The following CD99 variants were observed in gnomAD, a reference collection of about 807,000 sequenced individuals.
CD99 encodes the protein CD99 antigen.
A neutral mutation model predicts 28.4 loss-of-function variants in CD99; 19 were observed. The ratio of observed to expected loss-of-function variants is 0.67; its 90% CI spans 0.47 to 0.98. CD99 has a LOEUF of 0.98. CD99 is among the 50% of genes least tolerant of loss of function. The pLI, the probability that CD99 is intolerant of heterozygous loss-of-function variation, is 0.00. For missense variants in CD99, 283 were observed against 248.8 expected (o/e 1.14, Z -0.92); for synonymous variants, 103 against 92.1 (o/e 1.12, Z -0.67).
chrX:2,701,105 C>A (rs1233911489), intron 1 of CD99, among the ~76,000 whole-genome samples: 1 of 151,658 alleles, frequency 6.6e-6, no homozygotes, highest in Non-Finnish European at 1.5e-5. Flanking sequence ...CCATCCATCC[C>A]CTTACTGCCC....
At position 2,709,642 on chromosome X, in the gene CD99, C is replaced by T. The variant is rs188638896; in HGVS notation, c.68-4780C>T. On this transcript the variant is annotated intron_variant, in intron 1 of 9. Transcript: ENST00000381192. ...CAGAAACCACATGAATGCATGAGCACGCGTATATGAAATACACATGTACAC... is the reference window on the plus strand; with the variant it reads ...CAGAAACCACATGAATGCATGAGCATGCGTATATGAAATACACATGTACAC... Among the ~76,000 whole-genome samples, 1,167 of 152,146 alleles carry T rather than the reference C, an allele frequency of 7.7e-3. 8 individuals are homozygous for T. Among genetic ancestry groups the T allele is most frequent in the African/African-American group, 0.027 (1,111 of 41,520 alleles).
At chrX:2,729,396 C>A (rs311084) in intron 8 of CD99, among the ~76,000 whole-genome samples, 88,909 of 151,898 alleles carry the variant, frequency 0.59, 26,586 homozygotes, top group Non-Finnish European at 0.64. Context: ...AAAGAGGATT[C>A]ATTGATTCAC....
chrX:2,706,375 C>CA (rs1181142929), intron 1 of CD99, among the ~76,000 whole-genome samples: 2 of 150,606 alleles, frequency 1.3e-5, no homozygotes, highest in East Asian at 3.9e-4. Flanking sequence ...AAGGAAAAAA[C>CA]AAAAAACAAA....
chrX:2,732,091 A>G lies in CD99; in HGVS notation c.475+5718A>G, dbSNP rs182032336. ...TGGCAAAAACCACAATTACTTTTGC[A>G]CCAGCCTCCGTTCCTCCCTTCCTAC... On this transcript the variant is annotated intron_variant, in intron 8 of 9. Coordinates refer to ENST00000381192, the MANE Select transcript of CD99 (RefSeq NM_002414.5). Among the ~76,000 whole-genome samples, 328 of 152,080 alleles carry G rather than the reference A, an allele frequency of 2.2e-3. 1 individual carries two copies. The highest frequency in any genetic ancestry group is 6.2e-3 in the African/African-American group (259 of 41,510).
intron 8 of CD99, among the ~76,000 whole-genome samples, chrX:2,728,902 T>C (rs1603290512): frequency 8.4e-6 from 1 of 119,754 alleles, no homozygotes; most frequent in Non-Finnish European, 1.6e-5. Flanking sequence ...AGTGGTGCAA[T>C]CTTGGCTCAC....
chrX:2,714,402 ACT>A lies in CD99; in HGVS notation c.68-17_68-16del. 1.3e-6 allele frequency: 2 copies of A among 1,547,616 alleles called. No individual in the cohort carries two copies. Among genetic ancestry groups the A allele is most frequent in the Non-Finnish European group, 1.8e-6 (2 of 1,128,712 alleles). On this transcript the variant is annotated intron_variant, in intron 1 of 9. Transcript: ENST00000381192. Reference sequence around the variant, plus strand: ...TTTTATTTTTCTTGTTTCTAAGTTGACTCTTTTTTTCTCTCTTAGATGGTGGT... The same window carrying A: ...TTTTATTTTTCTTGTTTCTAAGTTGACTTTTTTTCTCTCTTAGATGGTGGT...
At chrX:2,739,306 T>C (rs1322286211) in intron 9 of CD99, among the ~76,000 whole-genome samples, 1 of 151,926 alleles carries the variant, frequency 6.6e-6, no homozygotes, top group African/African-American at 2.4e-5. Context: ...AAGAAAAAAA[T>C]GTGTGTGTGT....
chrX:2,709,699 CAT>C (rs1406398588), intron 1 of CD99, among the ~76,000 whole-genome samples: 2 of 152,192 alleles, frequency 1.3e-5, no homozygotes, highest in Non-Finnish European at 2.9e-5. Context: ...CATGCATGAA[CAT>C]AGACACACAC....
intron 8 of CD99, among the ~76,000 whole-genome samples, chrX:2,731,027 C>T (rs1422001095): frequency 1.3e-5 from 2 of 152,010 alleles, no homozygotes; most frequent in Middle Eastern, 3.2e-3. Context: ...CAACTGCATC[C>T]ACTCACAGCT....
chrX:2,698,909 T>C (rs985856425), intron 1 of CD99, among the ~76,000 whole-genome samples: 3 of 151,740 alleles, frequency 2.0e-5, no homozygotes, highest in Non-Finnish European at 2.9e-5. Context: ...GTCTGGTTTA[T>C]AGACGTGTTA....
chrX:2,729,571 A>G (rs1294909401), intron 8 of CD99, among the ~76,000 whole-genome samples: 2 of 152,130 alleles, frequency 1.3e-5, no homozygotes, highest in Non-Finnish European at 2.9e-5. Flanking sequence ...GGGAATTACA[A>G]TTTAAGATGA....
chrX:2,710,318 C>T (rs1378775283), intron 1 of CD99, among the ~76,000 whole-genome samples: 3 of 152,106 alleles, frequency 2.0e-5, no homozygotes, highest in Non-Finnish European at 4.4e-5. Context: ...GAGTCTCGTA[C>T]GCCCTTGACT....
At chrX:2,735,419 C>T (rs145274567) in intron 8 of CD99, among the ~76,000 whole-genome samples, 304 of 152,284 alleles carry the variant, frequency 2.0e-3, no homozygotes, top group African/African-American at 7.2e-3. Context: ...CGGAGCATCT[C>T]ATGAGACCAG....
In CD99 at chrX:2,741,038, C is replaced by CG. The variant is rs199882291; in HGVS notation, c.*241dup. The CG allele has an allele frequency of 1.9e-3, 1,107 of 574,504 alleles. 9 individuals carry two copies. In the East Asian group the frequency reaches 0.024, roughly 13 times the overall value. The allele number at this position is 574,504 out of a possible 1,614,324, so 35.6% of individuals were successfully genotyped here. A position where few individuals can be genotyped will look rare whatever the true frequency, so the allele number is the denominator to read the frequency against. On this transcript the variant is annotated 3_prime_UTR_variant, in exon 10 of 10. Coordinates refer to ENST00000381192, the MANE Select transcript of CD99 (RefSeq NM_002414.5). ...ACTTGGACCCCCATTCTCCAAGGCCCGGGGGGGCGGTTTCCCATGGGATGT... is the reference window on the plus strand; with the variant it reads ...ACTTGGACCCCCATTCTCCAAGGCCCGGGGGGGGCGGTTTCCCATGGGATGT...
At chrX:2,708,668 C>T (rs2048236648) in intron 1 of CD99, among the ~76,000 whole-genome samples, 1 of 152,146 alleles carries the variant, frequency 6.6e-6, no homozygotes, top group Non-Finnish European at 1.5e-5. Flanking sequence ...AGGACTAGGG[C>T]TAAGGGCAGA....
In CD99 at chrX:2,732,020, C is replaced by CT. The variant is rs980311486; in HGVS notation, c.475+5654dup. 2.0e-4 allele frequency among the ~76,000 whole-genome samples: 30 copies of CT among 151,566 alleles called. 1 individual carries two copies. The highest frequency in any genetic ancestry group is 7.2e-4 in the Admixed American group (11 of 15,228). On this transcript the variant is annotated intron_variant, in intron 8 of 9. Transcript: ENST00000381192. ...TGGTGGCTCCCAGCTAATTTTTTACCTTTTTTTGTAGAGACAGAGTCTTGC... is the reference window on the plus strand; with the variant it reads ...TGGTGGCTCCCAGCTAATTTTTTACCTTTTTTTTGTAGAGACAGAGTCTTGC...
intron 1 of CD99, among the ~76,000 whole-genome samples, chrX:2,711,078 G>C (rs2048379421): frequency 6.7e-6 from 1 of 150,348 alleles, no homozygotes; most frequent in African/African-American, 2.4e-5. Context: ...TCACCATGTT[G>C]GTTGGGCTGG....
intron 3 of CD99, 176 bp from the exon 4 acceptor site, chrX:2,719,485 T>C (rs1373675955): frequency 3.1e-5 from 21 of 677,642 alleles, no homozygotes; most frequent in Non-Finnish European, 4.8e-5. Context: ...TCTGAGAGAA[T>C]AGTGATGTAA....
chrX:2,694,177 C>T (rs1490479534), intron 1 of CD99, among the ~76,000 whole-genome samples: 2 of 152,100 alleles, frequency 1.3e-5, no homozygotes, highest in African/African-American at 2.4e-5. Flanking sequence ...GCGGCCTGTG[C>T]GGTTTGAAAA....
Sources: gnomAD v4.1 joint callset for allele counts (sites outside exome capture counted in the v4.1 genomes callset) on GRCh38, gnomAD v4.1.1 for gene constraint, MANE v1.5 for transcripts, NCBI Gene and HGNC (gene_info 2026-07-23, HGNC 2026-07-21) for gene names.